The following PARP6 variants were observed in gnomAD, a reference collection of about 807,000 sequenced individuals.
The protein encoded by PARP6 is protein mono-ADP-ribosyltransferase PARP6.
A neutral mutation model predicts 92.0 loss-of-function variants in PARP6; 27 were observed. The observed-to-expected ratio is 0.29, with a 90% CI of 0.22 to 0.40. PARP6 has a LOEUF of 0.40. Among genes scored for constraint, PARP6 ranks in the 10% least tolerant of loss-of-function variants. The pLI, the probability that PARP6 is intolerant of heterozygous loss-of-function variation, is 1.00. For missense variants in PARP6, 501 were observed against 784.5 expected, an observed-to-expected ratio of 0.64 and a Z score of 4.32; for synonymous variants, 272 against 281.2, an observed-to-expected ratio of 0.97 and a Z score of 0.33.
intron 20 of PARP6, 90 bp downstream of exon 20, chr15:72,249,155 A>G (rs1334855772): frequency 5.9e-6 from 4 of 679,264 alleles, no homozygotes; most frequent in Non-Finnish European, 1.1e-5. Context: ...CCAAGTATCC[A>G]TAATGAGGGA....
At chr15:72,259,539 A>G in intron 11 of PARP6, 69 bp downstream of exon 11, 2 of 1,184,518 alleles carry the variant, frequency 1.7e-6, no homozygotes, top group African/African-American at 1.5e-5. Flanking sequence ...AGGAGCTGGG[A>G]GGTGTTAGGA....
intron 4 of PARP6, 130 bp downstream of exon 4, chr15:72,266,615 T>C: frequency 2.8e-6 from 2 of 704,082 alleles, no homozygotes; most frequent in African/African-American, 1.8e-5. Flanking sequence ...GACAAGACCA[T>C]GCTCAGACCA....
rs754293303 is a variant in PARP6, at chr15:72,254,477, A to T, written c.1169T>A (p.Met390Lys). The change falls in exon 15 of 24, where the codon ATG becomes AAG. Residue 390 changes from methionine (M) to lysine (K), a missense_variant. Transcript: ENST00000569795. ...ERLQKALDSV[M>K]SIREMTQGSY... ...TACCTGGGTCATCTCCCGAATAGACATCACACTATCCAGAGCTTTCTGAAG... is the reference window on the plus strand; with the variant it reads ...TACCTGGGTCATCTCCCGAATAGACTTCACACTATCCAGAGCTTTCTGAAG... The T allele has an allele frequency of 1.9e-6, 3 of 1,613,522 alleles. No homozygotes were observed. The highest frequency in any genetic ancestry group is 3.3e-5 in the Admixed American group (2 of 60,032).
intron 4 of PARP6, 46 bp from the exon 5 acceptor site, chr15:72,266,037 G>C (rs371317952): frequency 8.6e-7 from 1 of 1,167,972 alleles, no homozygotes; most frequent in East Asian, 2.3e-5. Context: ...GGAAAAAGAC[G>C]AGGGAAAGAG....
intron 8 of PARP6, 69 bp downstream of exon 8, chr15:72,264,482 TGTCC>T: frequency 8.9e-7 from 1 of 1,123,392 alleles, no homozygotes; most frequent in Non-Finnish European, 1.3e-6. Context: ...AGGCTCTGCC[TGTCC>T]ATCCATATAT....
At position 72,249,893 on chromosome 15, in the gene PARP6, G is replaced by C. The variant is rs567174372; in HGVS notation, c.1491+127C>G. 2.0e-5 allele frequency: 13 copies of C among 660,358 alleles called. No individual in the cohort carries two copies. In the African/African-American group the frequency reaches 2.1e-4, roughly 11 times the overall value. The allele number at this position is 660,358 out of a possible 1,614,324, so 40.9% of individuals were successfully genotyped here. A position where few individuals can be genotyped will look rare whatever the true frequency, so the allele number is the denominator to read the frequency against. On this transcript the variant is annotated intron_variant, in intron 19 of 23. Coordinates refer to ENST00000569795, the MANE Select transcript of PARP6 (RefSeq NM_001323532.2). ...ATACAGTTCTAACTTCCTCTCTAGG[G>C]AACTCCACAAGACAGGTTAGGCTTG...
At position 72,241,942 on chromosome 15, in the gene PARP6, C is replaced by T. The variant is rs780602299; in HGVS notation, c.1749G>A (p.Val583=). 40 of 1,613,802 alleles carry T rather than the reference C, an allele frequency of 2.5e-5. No individual in the cohort carries two copies. The highest frequency in any genetic ancestry group is 3.3e-5 in the Non-Finnish European group (39 of 1,179,792). Reference sequence around the variant, plus strand: ...TGCAGACATGGTCGGACACAGGGCACACCCAGATGTTCCCATGCTTCTGGA... The same window carrying T: ...TGCAGACATGGTCGGACACAGGGCATACCCAGATGTTCCCATGCTTCTGGA... ...KDLQKHGNIW[V]CPVSDHVCTR... is the part of the protein sequence containing the mutation. Residue 583 remains valine (V), a synonymous_variant, in exon 23 of 24, where the codon GTG becomes GTA. Coordinates refer to ENST00000569795, the MANE Select transcript of PARP6 (RefSeq NM_001323532.2). This position sits in a 1 kb window ranked among gnomAD's most constrained non-coding sequence, Gnocchi z 4.1.
chr15:72,241,505 T>C lies in PARP6; in HGVS notation c.1843A>G (p.Ile615Val), dbSNP rs372540027. 30 of 1,614,072 alleles carry C rather than the reference T, an allele frequency of 1.9e-5. No individual in the cohort carries two copies. The highest frequency in any genetic ancestry group is 2.5e-5 in the Non-Finnish European group (29 of 1,180,004). The change falls in exon 24 of 24, where the codon ATA becomes GTA. Residue 615 changes from isoleucine (I) to valine (V), a missense_variant. This residue lies in a region of PARP6 where 191 missense variants were observed against 399.1 expected (regional missense o/e 0.48). Coordinates refer to ENST00000569795, the MANE Select transcript of PARP6 (RefSeq NM_001323532.2). This position sits in a 1 kb window ranked among gnomAD's most constrained non-coding sequence, Gnocchi z 4.1. The stretch of plus-strand genomic sequence containing the variant: ...ATCACACGCATGATTTCCTTCTGTA[T>C]CTTGGGGTCCTGAGTATTAATGTTG... ...DANINTQDPK[I>V]QKEIMRVIGT...
chr15:72,242,254 A>G lies in PARP6; in HGVS notation c.1642-34T>C, dbSNP rs1394536139. On this transcript the variant is annotated intron_variant, in intron 21 of 23. Coordinates refer to ENST00000569795, the MANE Select transcript of PARP6 (RefSeq NM_001323532.2). This position sits in a 1 kb window ranked among gnomAD's most constrained non-coding sequence, Gnocchi z 4.3. Reference sequence around the variant, plus strand: ...GAAGGAGGCAAAGGAGACCAGAGCCAGGTAGATGGGTACAGCTTTCCCTAG... The same window carrying G: ...GAAGGAGGCAAAGGAGACCAGAGCCGGGTAGATGGGTACAGCTTTCCCTAG... 3 of 1,560,110 alleles carry G rather than the reference A, an allele frequency of 1.9e-6. No homozygotes were observed. In the South Asian group the frequency reaches 3.3e-5, roughly 17 times the overall value.
In PARP6 at chr15:72,254,453, A is replaced by G; in HGVS notation, c.1191+2T>C. 2 of 1,608,322 alleles carry G rather than the reference A, an allele frequency of 1.2e-6. No homozygotes were observed. The highest frequency in any genetic ancestry group is 1.7e-6 in the Non-Finnish European group (2 of 1,174,680). ...AGAGGGGACAGAGAGAAGGCAGAATACCTGGGTCATCTCCCGAATAGACAT... is the reference window on the plus strand; with the variant it reads ...AGAGGGGACAGAGAGAAGGCAGAATGCCTGGGTCATCTCCCGAATAGACAT... On this transcript the variant is annotated splice_donor_variant, in intron 15 of 23. Transcript: ENST00000569795. LOFTEE classifies it high-confidence loss of function.
In PARP6 at chr15:72,250,775, C is replaced by G. The variant is rs2084239320; in HGVS notation, c.1418+70G>C. The stretch of plus-strand genomic sequence containing the variant: ...GGACACATGTAACACAAACTCATAT[C>G]TCAAGGGCATCCTTCTTGCTCATCC... On this transcript the variant is annotated intron_variant, in intron 18 of 23. Coordinates refer to ENST00000569795, the MANE Select transcript of PARP6 (RefSeq NM_001323532.2). 5.0e-6 allele frequency: 4 copies of G among 807,898 alleles called. No homozygotes were observed. The East Asian group carries it at 8.0e-5, about 16-fold the overall frequency. 50.0% of individuals were successfully genotyped at this position (807,898 alleles called of 1,614,324 possible).
At chr15:72,267,195 T>C in intron 3 of PARP6, 2 of 544,926 alleles carry the variant, frequency 3.7e-6, no homozygotes, top group Non-Finnish European at 6.6e-6. Flanking sequence ...TCCAGGATCA[T>C]TACCTAAGAC....
At chr15:72,271,910 T>C (rs1395454982) in intron 1 of PARP6, among the ~76,000 whole-genome samples, 1 of 152,222 alleles carries the variant, frequency 6.6e-6, no homozygotes, top group Non-Finnish European at 1.5e-5. Flanking sequence ...GGTCTTTCCC[T>C]AGGTCCATGG....
At chr15:72,253,941 G>A in intron 15 of PARP6, 1 of 440,620 alleles carries the variant, frequency 2.3e-6, no homozygotes, top group South Asian at 1.6e-5. Flanking sequence ...TTGCTGAGAA[G>A]AGGCCCACCT....
At chr15:72,271,395 C>G (rs1170234455) in intron 1 of PARP6, 108 bp from the exon 2 acceptor site, 5 of 152,148 alleles carry the variant, frequency 3.3e-5, no homozygotes, top group Admixed American at 3.3e-4. Context: ...GTGAAAGGGA[C>G]TTGCTTCCTC....
Position 72,242,848 on chromosome 15 carries a change from T to C in PARP6, c.1562-149A>G. The C allele has an allele frequency of 1.6e-6, 1 of 607,872 alleles. No homozygotes were observed. Among genetic ancestry groups the C allele is most frequent in the Non-Finnish European group, 2.9e-6 (1 of 341,854 alleles). The allele number at this position is 607,872 out of a possible 1,614,324, so 37.7% of individuals were successfully genotyped here. A position where few individuals can be genotyped will look rare whatever the true frequency, so the allele number is the denominator to read the frequency against. On this transcript the variant is annotated intron_variant, in intron 20 of 23. Transcript: ENST00000569795. This position sits in a 1 kb window ranked among gnomAD's most constrained non-coding sequence, Gnocchi z 4.3. ...CCACAGAATTTAGTCTGCTGGAAAT[T>C]ACAAGCAAGAACAAGTAATTAACAA...
chr15:72,265,274 G>A, intron 6 of PARP6, 103 bp from the exon 7 acceptor site: 1 of 1,038,980 alleles, frequency 9.6e-7, no homozygotes, highest in Non-Finnish European at 1.5e-6. Context: ...ACACACCACT[G>A]TCTGCTGATG....
At chr15:72,255,073 C>A (rs2084886955) in intron 14 of PARP6, among the ~76,000 whole-genome samples, 1 of 151,972 alleles carries the variant, frequency 6.6e-6, no homozygotes, top group African/African-American at 2.4e-5. Flanking sequence ...AAAAGGCTGA[C>A]TCCTCTGCCC....
rs560870543 is a variant in PARP6 at position 72,267,814 on chromosome 15, C to T, written c.-194-143G>A. 2.3e-4 allele frequency: 52 copies of T among 224,416 alleles called. 1 individual carries two copies. The East Asian group carries it at 4.2e-3, about 18-fold the overall frequency. The allele number at this position is 224,416 out of a possible 1,614,324, so 13.9% of individuals were successfully genotyped here. ...TCGCCCAGGCTGGAGTGCAATGGCG[C>T]GATCTTGGCTCACTGCAACCTCCGC... is the stretch of plus-strand genomic sequence containing the variant. On this transcript the variant is annotated intron_variant, in intron 2 of 23. Transcript: ENST00000569795.
Sources: allele counts gnomAD v4.1 joint callset (sites outside exome capture counted in the v4.1 genomes callset), GRCh38; gene constraint gnomAD v4.1.1; regional missense constraint gnomAD v4.1.1; non-coding constraint Gnocchi (gnomAD v3.1); transcripts MANE v1.5; gene names NCBI Gene and HGNC (gene_info 2026-07-23, HGNC 2026-07-21).